The following PODXL variants were observed in gnomAD, a reference collection of about 807,000 sequenced individuals.
PODXL encodes podocalyxin like, also known as podocalyxin.
Under a neutral mutation model 48.9 loss-of-function variants are expected in PODXL, and 20 were observed. That is an observed-to-expected ratio of 0.41 (90% CI 0.29 to 0.59). PODXL has a LOEUF of 0.59. Ranked by LOEUF, PODXL falls within the 20% of genes least tolerant of loss-of-function variation. PODXL has a pLI of 0.31. For missense variants in PODXL, 606 were observed against 675.1 expected (o/e 0.90, Z 1.13); for synonymous variants, 295 against 287.4 (o/e 1.03, Z -0.27).
intron 1 of PODXL, among the ~76,000 whole-genome samples, chr7:131,523,720 A>T (rs1488618373): frequency 6.6e-6 from 1 of 151,436 alleles, no homozygotes; most frequent in African/African-American, 2.4e-5. Context: ...AGAAAAAGAA[A>T]AAGAAAAACC....
At chr7:131,534,384 C>T (rs775313100) in intron 1 of PODXL, among the ~76,000 whole-genome samples, 4 of 152,210 alleles carry the variant, frequency 2.6e-5, no homozygotes, top group Non-Finnish European at 4.4e-5. Context: ...AGGGGCTTTC[C>T]GGCTGTCAGC....
chr7:131,509,446 C>T lies in PODXL; in HGVS notation c.942G>A (p.Met314Ile), dbSNP rs1382993704. 8.1e-6 allele frequency: 13 copies of T among 1,613,926 alleles called. No individual in the cohort carries two copies. The Admixed American group carries it at 1.8e-4, about 23-fold the overall frequency. The part of the protein sequence containing the change: ...ALRTPTLPET[M>I]SSSPTAASTT... ...TTGATGCTGCTGTGGGGCTGGAGCT[C>T]ATGGTCTCTGGCAGGGTAGGTGTTC... Residue 314 changes from methionine (M) to isoleucine (I), a missense_variant, in exon 4 of 9, where the codon ATG becomes ATA. Physicochemically the swap from Met to Ile is conservative, Grantham distance 10. Transcript: ENST00000378555.
intron 1 of PODXL, among the ~76,000 whole-genome samples, chr7:131,545,412 C>T (rs1244053465): frequency 1.3e-5 from 2 of 152,182 alleles, no homozygotes; most frequent in Non-Finnish European, 2.9e-5. Context: ...TTGGTCTTTA[C>T]GCAGGACTGT....
At chr7:131,549,242 A>T (rs1798631823) in intron 1 of PODXL, among the ~76,000 whole-genome samples, 1 of 152,164 alleles carries the variant, frequency 6.6e-6, no homozygotes, top group Admixed American at 6.5e-5. Context: ...GAAGTGAGGG[A>T]GTGAACCACG....
rs1376398281 is a variant in PODXL, at chr7:131,556,236, G to A, written c.100+24C>T. The A allele has an allele frequency of 2.1e-6, 3 of 1,460,266 alleles. No individual in the cohort carries two copies. In the Admixed American group the frequency reaches 7.8e-5, roughly 38 times the overall value. The allele number at this position is 1,460,266 out of a possible 1,614,324, so 90.5% of individuals were successfully genotyped here. A position where few individuals can be genotyped will look rare whatever the true frequency, so the allele number is the denominator to read the frequency against. Reference sequence around the variant, plus strand: ...GCACATGGGCACGGTGGGAGTCCCGGCGGAACCCAGGCCGGCCACTCACCA... The same window carrying A: ...GCACATGGGCACGGTGGGAGTCCCGACGGAACCCAGGCCGGCCACTCACCA... On this transcript the variant is annotated intron_variant, in intron 1 of 8. Coordinates refer to ENST00000378555, the MANE Select transcript of PODXL (RefSeq NM_001018111.3).
intron 1 of PODXL, among the ~76,000 whole-genome samples, chr7:131,512,405 G>A (rs1315025876): frequency 6.6e-6 from 1 of 152,156 alleles, no homozygotes; most frequent in Non-Finnish European, 1.5e-5. Context: ...GGACCATGTC[G>A]AATGAGGGAA....
chr7:131,544,644 C>A (rs1286788053), intron 1 of PODXL, among the ~76,000 whole-genome samples: 1 of 16,702 alleles, frequency 6.0e-5, no homozygotes, highest in African/African-American at 7.2e-5. Context: ...CCTCCGCACG[C>A]ACGCCCTGTA....
intron 1 of PODXL, among the ~76,000 whole-genome samples, chr7:131,534,690 T>C (rs1020947155): frequency 6.6e-5 from 10 of 152,144 alleles, no homozygotes; most frequent in Admixed American, 3.3e-4. Context: ...TGGACCAAGA[T>C]GGAAGAGTCT....
intron 1 of PODXL, among the ~76,000 whole-genome samples, chr7:131,542,787 C>T (rs1197648853): frequency 6.6e-6 from 1 of 152,166 alleles, no homozygotes; most frequent in Admixed American, 6.5e-5. Flanking sequence ...ATGTACAGCG[C>T]CAGTTAGAGC....
chr7:131,538,190 A>AT (rs1554387911), intron 1 of PODXL, among the ~76,000 whole-genome samples: 1 of 150,020 alleles, frequency 6.7e-6, no homozygotes, highest in African/African-American at 2.5e-5. Flanking sequence ...TGGGAGGATG[A>AT]CCCCCCTACC....
chr7:131,510,817 G>C lies in PODXL; in HGVS notation c.706+11C>G. The C allele has an allele frequency of 6.2e-7, 1 of 1,614,036 alleles. No individual in the cohort carries two copies. The highest frequency in any genetic ancestry group is 8.5e-7 in the Non-Finnish European group (1 of 1,179,978). ...TTTCTTGGTGCTTGAAGAAAACCAG[G>C]CATTACTTACGTAGGGTGGTGGTCA... On this transcript the variant is annotated intron_variant, in intron 2 of 8. Transcript: ENST00000378555.
chr7:131,506,569 C>G lies in PODXL; in HGVS notation c.1249+10G>C. On this transcript the variant is annotated intron_variant, in intron 6 of 8. Coordinates refer to ENST00000378555, the MANE Select transcript of PODXL (RefSeq NM_001018111.3). ...AGGCCCCAGCCCAGGCCCCCTTGCC[C>G]TCCACTCACTGTGAATAGTGATTTC... 1 of 1,613,718 alleles carries G rather than the reference C, an allele frequency of 6.2e-7. No homozygotes were observed. The highest frequency in any genetic ancestry group is 1.7e-4 in the Middle Eastern group (1 of 6,048).
intron 1 of PODXL, among the ~76,000 whole-genome samples, chr7:131,547,906 C>T (rs1182903792): frequency 1.3e-5 from 2 of 152,222 alleles, no homozygotes; most frequent in African/African-American, 4.8e-5. Flanking sequence ...TGGCCCTGCA[C>T]TCACCTGCTC....
intron 1 of PODXL, 102 bp downstream of exon 1, chr7:131,556,158 G>T: frequency 7.5e-7 from 1 of 1,327,528 alleles, no homozygotes; most frequent in Non-Finnish European, 9.6e-7. Context: ...AGGGCTGCTC[G>T]GGGTCGGACC....
At chr7:131,551,664 C>T (rs1187002420) in intron 1 of PODXL, among the ~76,000 whole-genome samples, 2 of 152,052 alleles carry the variant, frequency 1.3e-5, no homozygotes, top group Non-Finnish European at 2.9e-5. Context: ...GAGCTGGGTG[C>T]GGTGGCTCAT....
At chr7:131,509,261 C>A in intron 4 of PODXL, 104 bp downstream of exon 4, 1 of 991,122 alleles carries the variant, frequency 1.0e-6, no homozygotes, top group Non-Finnish European at 1.6e-6. Flanking sequence ...CTCAAAGCCC[C>A]AGCCAGGGGC....
intron 1 of PODXL, among the ~76,000 whole-genome samples, chr7:131,546,343 G>C (rs554581680): frequency 3.9e-5 from 6 of 152,324 alleles, no homozygotes; most frequent in Admixed American, 2.0e-4. Flanking sequence ...CAGGTAGAAA[G>C]AGAGCCAAGA....
intron 1 of PODXL, among the ~76,000 whole-genome samples, chr7:131,550,297 T>C (rs929635236): frequency 3.3e-5 from 5 of 152,156 alleles, no homozygotes. Context: ...TTTACCCTTA[T>C]GGTAGAGGGG....
chr7:131,535,855 A>G (rs1798366457), intron 1 of PODXL, among the ~76,000 whole-genome samples: 1 of 152,138 alleles, frequency 6.6e-6, no homozygotes, highest in Non-Finnish European at 1.5e-5. Flanking sequence ...TTGACCTCCC[A>G]GGCTCAAGCA....
Sources: gnomAD v4.1 joint callset for allele counts (sites outside exome capture counted in the v4.1 genomes callset) on GRCh38, gnomAD v4.1.1 for gene constraint, MANE v1.5 for transcripts, NCBI Gene and HGNC (gene_info 2026-07-23, HGNC 2026-07-21) for gene names.